Variants in SCN9A observed in about 807,000 individuals in gnomAD.
The protein encoded by SCN9A is sodium channel protein type 9 subunit alpha.
SCN9A carries 131 observed loss-of-function variants against 187.0 expected under a neutral mutation model. That is an observed-to-expected ratio of 0.70 (90% CI 0.61 to 0.81). SCN9A has a LOEUF of 0.81. Ranked by LOEUF, SCN9A falls within the 30% of genes least tolerant of loss-of-function variation. The pLI, the probability that SCN9A is intolerant of heterozygous loss-of-function variation, is 0.00. For synonymous variants in SCN9A, 809 were observed against 808.6 expected, an observed-to-expected ratio of 1.00 and a Z score of -0.01; for missense variants, 2,252 against 2,396.6, an observed-to-expected ratio of 0.94 and a Z score of 1.26.
Position 166,198,966 on chromosome 2 carries a change from C to T in SCN9A, c.5673G>A (p.Val1891=). ...AAGCACGCTGAATGACAGTAGCAGA[C>T]ACATCCTCTTGTTTCCGTTTTAGTG... The part of the protein sequence containing the change: ...TTTLKRKQED[V]SATVIQRAYR... The change falls in exon 27 of 27, where the codon GTG becomes GTA. Residue 1891 remains valine (V), a synonymous_variant. Coordinates refer to ENST00000642356, the MANE Select transcript of SCN9A (RefSeq NM_001365536.1). 6.2e-7 allele frequency: 1 copy of T among 1,613,976 alleles called. No individual in the cohort carries two copies.
chr2:166,369,262 A>T (rs530825627), intron 1 of SCN9A, among the ~76,000 whole-genome samples: 1 of 152,110 alleles, frequency 6.6e-6, no homozygotes, highest in Non-Finnish European at 1.5e-5. Context: ...CCACATACTG[A>T]GTAAAGGAAA....
At chr2:166,250,656 A>G (rs1293855293) in intron 18 of SCN9A, among the ~76,000 whole-genome samples, 1 of 152,112 alleles carries the variant, frequency 6.6e-6, no homozygotes, top group Non-Finnish European at 1.5e-5. Context: ...ATCCCTGACA[A>G]ATTCCAGAAG....
At chr2:166,225,725 C>T (rs533188167) in intron 24 of SCN9A, among the ~76,000 whole-genome samples, 1 of 152,064 alleles carries the variant, frequency 6.6e-6, no homozygotes, top group Non-Finnish European at 1.5e-5. Flanking sequence ...GGAGTGGGCT[C>T]TTAATCCAGT....
intron 1 of SCN9A, among the ~76,000 whole-genome samples, chr2:166,312,195 T>A (rs895393866): frequency 6.6e-6 from 1 of 152,206 alleles, no homozygotes; most frequent in East Asian, 1.9e-4. Flanking sequence ...GATGCTGTTT[T>A]ACCAACTAAA....
In SCN9A at chr2:166,342,924, A is replaced by C. The variant is rs761511750; in HGVS notation, c.-50-31118T>G. Among the ~76,000 whole-genome samples, 3 of 152,296 alleles carry C rather than the reference A, an allele frequency of 2.0e-5. No individual in the cohort carries two copies. In the South Asian group the frequency reaches 6.2e-4, roughly 32 times the overall value. On this transcript the variant is annotated intron_variant, in intron 1 of 26. Transcript: ENST00000642356. ...GCTTCCCTGGAGAACTCAGGCAAAC[A>C]TGTCCCTGTCCATCCCTACCTTCAT...
At chr2:166,316,616 C>T (rs1699116129) in intron 1 of SCN9A, among the ~76,000 whole-genome samples, 1 of 152,218 alleles carries the variant, frequency 6.6e-6, no homozygotes, top group East Asian at 1.9e-4. Context: ...ATGGCGTGAA[C>T]CCAGGAGGCG....
rs145753829 is a variant in SCN9A at position 166,246,156 on chromosome 2, T to C, written c.3473-3500A>G. On this transcript the variant is annotated intron_variant, in intron 18 of 26. Coordinates refer to ENST00000642356, the MANE Select transcript of SCN9A (RefSeq NM_001365536.1). The stretch of plus-strand genomic sequence containing the variant: ...CTGTAATGCTTGCTCTTTGTGCTTA[T>C]AGTACTCATCATAGTCCTCTACTTG... Among the ~76,000 whole-genome samples the C allele has an allele frequency of 8.9e-3, 1,361 of 152,094 alleles. 17 individuals carry two copies. Among genetic ancestry groups the C allele is most frequent in the African/African-American group, 0.031 (1,285 of 41,548 alleles).
Position 166,337,396 on chromosome 2 carries a change from A to G in SCN9A, c.-50-25590T>C, listed in dbSNP as rs575466805. Among the ~76,000 whole-genome samples the G allele has an allele frequency of 3.9e-5, 6 of 152,242 alleles. No homozygotes were observed. The South Asian group carries it at 1.2e-3, about 32-fold the overall frequency. On this transcript the variant is annotated intron_variant, in intron 1 of 26. Coordinates refer to ENST00000642356, the MANE Select transcript of SCN9A (RefSeq NM_001365536.1). ...AGACAGGTCCAATAAGTAGCTAACC[A>G]TGTTACTCTGGAACTTAAAATGGGA...
chr2:166,311,766 C>T lies in SCN9A; in HGVS notation c.-10G>A, dbSNP rs202211195. On this transcript the variant is annotated 5_prime_UTR_variant, in exon 2 of 27. Coordinates refer to ENST00000642356, the MANE Select transcript of SCN9A (RefSeq NM_001365536.1). ...GAGGCAACATTGCCATCTTTTCATCCTGTATATTTTAATTCCTCTTCAGCT... is the reference window on the plus strand; with the variant it reads ...GAGGCAACATTGCCATCTTTTCATCTTGTATATTTTAATTCCTCTTCAGCT... 3.7e-5 allele frequency: 59 copies of T among 1,581,610 alleles called. No homozygotes were observed. Among genetic ancestry groups the T allele is most frequent in the Non-Finnish European group, 4.7e-5 (54 of 1,160,898 alleles).
intron 1 of SCN9A, among the ~76,000 whole-genome samples, chr2:166,334,138 C>T (rs916663307): frequency 3.3e-5 from 5 of 151,964 alleles, no homozygotes; most frequent in South Asian, 2.1e-4. Flanking sequence ...AGTATGATTT[C>T]GGTGCTTTAA....
intron 18 of SCN9A, among the ~76,000 whole-genome samples, chr2:166,250,211 C>G (rs1156922055): frequency 6.6e-6 from 1 of 152,020 alleles, no homozygotes; most frequent in Non-Finnish European, 1.5e-5. Context: ...TTGAGAAAAT[C>G]TTGGACACTG....
intron 1 of SCN9A, among the ~76,000 whole-genome samples, chr2:166,371,319 T>G (rs1483429065): frequency 6.6e-6 from 1 of 152,260 alleles, no homozygotes; most frequent in Non-Finnish European, 1.5e-5. Context: ...TGGCAGATTA[T>G]GCTTACTGGC....
At position 166,267,749 on chromosome 2, in the gene SCN9A, C is replaced by T. The variant is rs1431883304; in HGVS notation, c.3351+4650G>A. On this transcript the variant is annotated intron_variant, in intron 17 of 26. Coordinates refer to ENST00000642356, the MANE Select transcript of SCN9A (RefSeq NM_001365536.1). ...TTCAATCTTGTTACTCATTATTGGTCTGTTTGAGTTTTCCATTTCTTCATG... is the reference window on the plus strand; with the variant it reads ...TTCAATCTTGTTACTCATTATTGGTTTGTTTGAGTTTTCCATTTCTTCATG... Among the ~76,000 whole-genome samples, 8 of 151,796 alleles carry T rather than the reference C, an allele frequency of 5.3e-5. No homozygotes were observed. The Admixed American group carries it at 5.3e-4, about 10-fold the overall frequency.
chr2:166,228,247 CTTTT>C (rs33924683), intron 22 of SCN9A, among the ~76,000 whole-genome samples: 134 of 85,984 alleles, frequency 1.6e-3, no homozygotes, highest in African/African-American at 5.3e-3. Flanking sequence ...AAGACCAACA[CTTTT>C]TTTTTTTTTT....
intron 1 of SCN9A, among the ~76,000 whole-genome samples, chr2:166,340,153 C>T (rs918014069): frequency 1.3e-5 from 2 of 152,094 alleles, no homozygotes; most frequent in Admixed American, 6.6e-5. Flanking sequence ...ACAAAAGCCT[C>T]AAATAACACA....
chr2:166,225,731 C>T (rs1694819066), intron 24 of SCN9A, among the ~76,000 whole-genome samples: 1 of 152,046 alleles, frequency 6.6e-6, no homozygotes, highest in Admixed American at 6.6e-5. Flanking sequence ...GGCTCTTAAT[C>T]CAGTGTGACT....
intron 2 of SCN9A, among the ~76,000 whole-genome samples, chr2:166,307,645 C>T (rs1698802479): frequency 6.6e-6 from 1 of 152,112 alleles, no homozygotes; most frequent in African/African-American, 2.4e-5. Flanking sequence ...CTAATATTAG[C>T]TTTTAAAAGG....
chr2:166,309,342 T>C (rs543501994), intron 2 of SCN9A, among the ~76,000 whole-genome samples: 96 of 152,348 alleles, frequency 6.3e-4, no homozygotes, highest in Non-Finnish European at 1.2e-3. Context: ...AAGTGATTTT[T>C]GGGTCTGCAT....
In SCN9A at chr2:166,257,820, T is replaced by A. The variant is rs139390689; in HGVS notation, c.3352-5935A>T. Among the ~76,000 whole-genome samples, 242 of 151,614 alleles carry A rather than the reference T, an allele frequency of 1.6e-3. 4 individuals are homozygous for A. In the East Asian group the frequency reaches 0.024, roughly 15 times the overall value. ...GGTGTATATGCATCCTTATTTAGGC[T>A]CTAGTTGAAGAAAATTCACCATATT... On this transcript the variant is annotated intron_variant, in intron 17 of 26. Coordinates refer to ENST00000642356, the MANE Select transcript of SCN9A (RefSeq NM_001365536.1).
Sources: allele counts gnomAD v4.1 joint callset (sites outside exome capture counted in the v4.1 genomes callset), GRCh38; gene constraint gnomAD v4.1.1; transcripts MANE v1.5; gene names NCBI Gene and HGNC (gene_info 2026-07-23, HGNC 2026-07-21).